Variants in CACNA2D3 observed in about 807,000 individuals in gnomAD.
The protein encoded by CACNA2D3 is voltage-dependent calcium channel subunit alpha-2/delta-3.
A neutral mutation model predicts 160.6 loss-of-function variants in CACNA2D3; 60 were observed. The ratio of observed to expected loss-of-function variants is 0.37; its 90% confidence interval spans 0.30 to 0.46. CACNA2D3 has a LOEUF of 0.46. Ranked by LOEUF, CACNA2D3 falls within the 20% of genes least tolerant of loss-of-function variation. The probability of loss-of-function intolerance (pLI) is 1.00; values close to 1 mark genes in which losing one functional copy is unlikely to be tolerated. For missense variants in CACNA2D3, 1,205 were observed against 1,365.0 expected (o/e 0.88, Z 1.85); for synonymous variants, 558 against 492.9 (o/e 1.13, Z -1.75).
chr3:54,137,684 G>A (rs1699841789), intron 2 of CACNA2D3, among the ~76,000 whole-genome samples: 1 of 152,136 alleles, frequency 6.6e-6, no homozygotes. Context: ...CTTATTCTTT[G>A]CAGTGCAGGC....
At chr3:54,511,683 A>G (rs1164253786) in intron 5 of CACNA2D3, among the ~76,000 whole-genome samples, 1 of 152,194 alleles carries the variant, frequency 6.6e-6, no homozygotes, top group East Asian at 1.9e-4. Flanking sequence ...AAATTCTGAA[A>G]GGTGGTACCA....
intron 4 of CACNA2D3, among the ~76,000 whole-genome samples, chr3:54,467,841 T>G (rs1700656586): frequency 6.6e-6 from 1 of 152,120 alleles, no homozygotes; most frequent in South Asian, 2.1e-4. Context: ...GAATGACATA[T>G]TCTATATTTC....
intron 6 of CACNA2D3, among the ~76,000 whole-genome samples, chr3:54,564,618 G>A (rs1023647398): frequency 2.0e-5 from 3 of 152,186 alleles, no homozygotes; most frequent in African/African-American, 7.2e-5. Context: ...TCCATTGTTA[G>A]AGTGGTGTGA....
At chr3:54,223,636 A>ACC (rs1438802302) in intron 2 of CACNA2D3, among the ~76,000 whole-genome samples, 1 of 152,064 alleles carries the variant, frequency 6.6e-6, no homozygotes, top group East Asian at 1.9e-4. Flanking sequence ...TGGGCAGATC[A>ACC]TGAGGTCAGG....
chr3:54,305,221 T>C (rs1216797243), intron 2 of CACNA2D3, among the ~76,000 whole-genome samples: 1 of 152,240 alleles, frequency 6.6e-6, no homozygotes, highest in Non-Finnish European at 1.5e-5. Context: ...CTTGACACTT[T>C]ATGTATTTTT....
At chr3:54,827,857 G>C (rs1204384033) in intron 14 of CACNA2D3, among the ~76,000 whole-genome samples, 1 of 152,158 alleles carries the variant, frequency 6.6e-6, no homozygotes, top group South Asian at 2.1e-4. Context: ...TTGTGTACCA[G>C]GCTCTGTGCT....
chr3:54,335,805 AC>A (rs1188499073), intron 3 of CACNA2D3, among the ~76,000 whole-genome samples: 2 of 151,880 alleles, frequency 1.3e-5, no homozygotes, highest in African/African-American at 4.8e-5. Context: ...GGAGATCTAG[AC>A]CATCCTGGCC....
chr3:54,817,082 T>C (rs1703474619), intron 14 of CACNA2D3, among the ~76,000 whole-genome samples: 1 of 152,194 alleles, frequency 6.6e-6, no homozygotes, highest in Non-Finnish European at 1.5e-5. Flanking sequence ...GACCCTATAG[T>C]GGCCAGTGAT....
intron 2 of CACNA2D3, among the ~76,000 whole-genome samples, chr3:54,211,856 A>G (rs551415894): frequency 2.0e-5 from 3 of 152,248 alleles, no homozygotes; most frequent in African/African-American, 4.8e-5. Context: ...TACTTCCCCT[A>G]GTTTTTTACA....
intron 8 of CACNA2D3, among the ~76,000 whole-genome samples, chr3:54,577,439 G>A (rs1702603312): frequency 2.0e-5 from 3 of 152,116 alleles, no homozygotes; most frequent in South Asian, 4.1e-4. Context: ...TGATGACATG[G>A]CATCTTATCC....
intron 13 of CACNA2D3, among the ~76,000 whole-genome samples, chr3:54,777,959 G>A (rs541015158): frequency 7.3e-4 from 111 of 152,322 alleles, no homozygotes; most frequent in Non-Finnish European, 1.2e-3. Context: ...ATAAGTTAGA[G>A]AATCTAAAGG....
intron 2 of CACNA2D3, among the ~76,000 whole-genome samples, chr3:54,262,994 G>C (rs971821306): frequency 1.3e-5 from 2 of 152,080 alleles, no homozygotes; most frequent in African/African-American, 4.8e-5. Flanking sequence ...CTCCACCCCA[G>C]GTAGTCACTA....
chr3:54,545,513 A>G (rs1041803717), intron 5 of CACNA2D3, among the ~76,000 whole-genome samples: 1 of 152,160 alleles, frequency 6.6e-6, no homozygotes, highest in Non-Finnish European at 1.5e-5. Flanking sequence ...TTGCAACATT[A>G]TTTCCCACGA....
chr3:54,181,115 C>T (rs1016135547), intron 2 of CACNA2D3, among the ~76,000 whole-genome samples: 1 of 152,152 alleles, frequency 6.6e-6, no homozygotes. Flanking sequence ...AGAGTATTCA[C>T]CCTTCACTTA....
intron 2 of CACNA2D3, among the ~76,000 whole-genome samples, chr3:54,200,167 A>G (rs1449715283): frequency 6.6e-6 from 1 of 152,168 alleles, no homozygotes; most frequent in Non-Finnish European, 1.5e-5. Flanking sequence ...TTCCAATCAG[A>G]CCCAACCTCT....
At chr3:54,849,302 GC>G (rs143587551) in intron 17 of CACNA2D3, among the ~76,000 whole-genome samples, 3,546 of 152,216 alleles carry the variant, frequency 0.023, 156 homozygotes, top group African/African-American at 0.081. Context: ...CTAAGAGTCA[GC>G]CGGCATGAAT....
chr3:54,646,459 C>A (rs571282978), intron 11 of CACNA2D3, among the ~76,000 whole-genome samples: 1 of 151,952 alleles, frequency 6.6e-6, no homozygotes, highest in Admixed American at 6.5e-5. Flanking sequence ...TCCATGTGTT[C>A]TCATCATTTA....
At chr3:54,704,343 G>A (rs942648391) in intron 11 of CACNA2D3, among the ~76,000 whole-genome samples, 3 of 152,208 alleles carry the variant, frequency 2.0e-5, no homozygotes, top group Non-Finnish European at 2.9e-5. Flanking sequence ...TGCAGTTTAA[G>A]TATGTTCCTT....
intron 4 of CACNA2D3, among the ~76,000 whole-genome samples, chr3:54,465,484 A>T (rs1344537604): frequency 6.6e-6 from 1 of 152,196 alleles, no homozygotes; most frequent in Non-Finnish European, 1.5e-5. Flanking sequence ...CATAGTGTAT[A>T]CAGGGTTCAG....
Sources: gnomAD v4.1 joint callset for allele counts (sites outside exome capture counted in the v4.1 genomes callset) on GRCh38, gnomAD v4.1.1 for gene constraint, MANE v1.5 for transcripts, NCBI Gene and HGNC (gene_info 2026-07-23, HGNC 2026-07-21) for gene names.